The following NEU3 variants were observed in gnomAD, a reference collection of about 807,000 sequenced individuals.
NEU3 encodes the protein neuraminidase 3.
In NEU3, 10 loss-of-function variants were observed where a neutral mutation model predicts 11.4. The observed-to-expected ratio is 0.88, with a 90% CI of 0.54 to 1.49. The LOEUF (loss-of-function observed/expected upper bound fraction) is 1.49, where lower values mean the gene tolerates loss of function less well. Ranked by LOEUF, NEU3 falls within the 40% of genes most tolerant of loss-of-function variation. The pLI is 0.00. For synonymous variants in NEU3, 212 were observed against 228.2 expected, an observed-to-expected ratio of 0.93 and a Z score of 0.64; for missense variants, 529 against 581.8, an observed-to-expected ratio of 0.91 and a Z score of 0.93.
chr11:74,994,749 G>A (rs375758707), intron 2 of NEU3, 29 bp downstream of exon 2: 2 of 1,586,200 alleles, frequency 1.3e-6, no homozygotes, highest in Non-Finnish European at 1.7e-6. Context: ...TCTGAGTCTG[G>A]GCCTCAGTTT....
rs1281247452 is a variant in NEU3, at chr11:75,005,696, G to T, written c.590G>T (p.Gly197Val). 1.2e-6 allele frequency: 2 copies of T among 1,614,012 alleles called. No individual in the cohort carries two copies. The highest frequency in any genetic ancestry group is 1.7e-6 in the Non-Finnish European group (2 of 1,179,886). ...KHWATFAVGPGHGIQLQSGRL... is the reference protein window; with the variant it reads ...KHWATFAVGPVHGIQLQSGRL... ...TGGGCCACATTTGCTGTGGGCCCAG[G>T]TCATGGCATCCAGCTGCAGTCAGGG... The change falls in exon 3 of 3, where the codon GGT becomes GTT. Residue 197 changes from glycine (G) to valine (V), a missense_variant. Coordinates refer to ENST00000294064, the MANE Select transcript of NEU3 (RefSeq NM_006656.6).
intron 3 of NEU3, among the ~76,000 whole-genome samples, chr11:75,017,731 G>A (rs1282798996): frequency 6.6e-6 from 1 of 152,084 alleles, no homozygotes; most frequent in East Asian, 1.9e-4. Context: ...TCCTCTCTCA[G>A]GGCTATGGGG....
At chr11:74,985,449 CAT>C (rs1166030718), upstream of NEU3, among the ~76,000 whole-genome samples, 6 of 151,962 alleles carry the variant, frequency 3.9e-5, no homozygotes, top group South Asian at 4.1e-4. Context: ...TATATAGAGA[CAT>C]ATATGGTTAT....
rs973355968 is a variant in NEU3 at position 75,010,290 on chromosome 11, G to A, written c.*3798G>A. 2 of 152,194 alleles carry A rather than the reference G, an allele frequency of 1.3e-5. No homozygotes were observed. Among genetic ancestry groups the A allele is most frequent in the African/African-American group, 4.8e-5 (2 of 41,450 alleles). The allele number at this position is 152,194 out of a possible 1,614,324, so 9.4% of individuals were successfully genotyped here. On this transcript the variant is annotated 3_prime_UTR_variant, in exon 3 of 3. Transcript: ENST00000294064. ...CTGTCATATTCTGAATTCCCTGAAGGTAAGGACTATGTCTGATTCCTCTCT... is the reference window on the plus strand; with the variant it reads ...CTGTCATATTCTGAATTCCCTGAAGATAAGGACTATGTCTGATTCCTCTCT...
At chr11:74,983,652 G>A (rs779374246), upstream of NEU3, among the ~76,000 whole-genome samples, 1 of 152,198 alleles carries the variant, frequency 6.6e-6, no homozygotes, top group African/African-American at 2.4e-5. Flanking sequence ...ATGTTGATAA[G>A]GAATTTGTTC....
At chr11:74,982,840 G>C in the NEU3 span, among the ~76,000 whole-genome samples, 1 of 152,158 alleles carries the variant, frequency 6.6e-6, no homozygotes, top group Non-Finnish European at 1.5e-5. Flanking sequence ...AGGAGTCAAA[G>C]TGGGATTACT....
intron 1 of NEU3, among the ~76,000 whole-genome samples, chr11:74,992,051 G>A (rs564277567): frequency 6.6e-6 from 1 of 152,348 alleles, no homozygotes; most frequent in South Asian, 2.1e-4. Flanking sequence ...GGGCAAAGGA[G>A]TTGACAGAGA....
upstream of NEU3, chr11:74,988,621 C>G (rs1460782959): frequency 1.1e-5 from 2 of 186,984 alleles, no homozygotes; most frequent in Admixed American, 1.2e-4. Flanking sequence ...TTGCTCAACT[C>G]TCAGGCTGTC....
At chr11:74,985,860 C>T (rs1278161180), upstream of NEU3, among the ~76,000 whole-genome samples, 1 of 152,170 alleles carries the variant, frequency 6.6e-6, no homozygotes, top group Non-Finnish European at 1.5e-5. Context: ...ATGTGGGCAC[C>T]ATCTGCCTAG....
rs1948931143 is a variant in NEU3, at chr11:75,009,207, A to C, written c.*2715A>C. The stretch of plus-strand genomic sequence containing the variant: ...TGGCACCTTAGGAAGAGAAAGTGTC[A>C]CAGACACGAGGCCTAGGCTAGAGAG... On this transcript the variant is annotated 3_prime_UTR_variant, in exon 3 of 3. Coordinates refer to ENST00000294064, the MANE Select transcript of NEU3 (RefSeq NM_006656.6). The C allele has an allele frequency of 6.6e-6, 1 of 152,276 alleles. No homozygotes were observed. The highest frequency in any genetic ancestry group is 2.4e-5 in the African/African-American group (1 of 41,442). The allele number at this position is 152,276 out of a possible 1,614,324, so 9.4% of individuals were successfully genotyped here. A position where few individuals can be genotyped will look rare whatever the true frequency, so the allele number is the denominator to read the frequency against.
chr11:75,016,980 G>T (rs997724635), intron 3 of NEU3, among the ~76,000 whole-genome samples: 1 of 152,152 alleles, frequency 6.6e-6, no homozygotes, highest in Non-Finnish European at 1.5e-5. Context: ...GAACACATCC[G>T]ACCTAGAGCC....
At chr11:75,018,241 C>T (rs966200555) in intron 3 of NEU3, among the ~76,000 whole-genome samples, 7 of 152,040 alleles carry the variant, frequency 4.6e-5, no homozygotes, top group African/African-American at 1.7e-4. Context: ...ATAAGGTGAG[C>T]TTGTTCTCCC....
downstream of NEU3, among the ~76,000 whole-genome samples, chr11:75,012,622 C>G (rs1395666177): frequency 6.6e-6 from 1 of 152,024 alleles, no homozygotes; most frequent in Non-Finnish European, 1.5e-5. Context: ...TGTAATATAT[C>G]AGAAGACAGC....
At chr11:75,017,563 CT>C (rs1489347213) in intron 3 of NEU3, among the ~76,000 whole-genome samples, 1 of 152,162 alleles carries the variant, frequency 6.6e-6, no homozygotes, top group Non-Finnish European at 1.5e-5. Flanking sequence ...TTGGGAAATC[CT>C]GATTTGGGGT....
chr11:74,999,225 T>C (rs544132565), intron 2 of NEU3, among the ~76,000 whole-genome samples: 1 of 152,260 alleles, frequency 6.6e-6, no homozygotes, highest in South Asian at 2.1e-4. Flanking sequence ...TTGCATACTA[T>C]AGCCTCAAAC....
At chr11:75,004,762 A>T (rs1183902231) in intron 2 of NEU3, among the ~76,000 whole-genome samples, 1 of 152,232 alleles carries the variant, frequency 6.6e-6, no homozygotes, top group Non-Finnish European at 1.5e-5. Flanking sequence ...CTCTGAATCT[A>T]TGCTTGAGCT....
At position 75,006,155 on chromosome 11, in the gene NEU3, T is replaced by C. The variant is rs751661285; in HGVS notation, c.1049T>C (p.Leu350Pro). Residue 350 changes from leucine to proline, a missense_variant, in exon 3 of 3, where the codon CTG (leucine) becomes CCG (proline). Coordinates refer to ENST00000294064, the MANE Select transcript of NEU3 (RefSeq NM_006656.6). ...AGCTCTCCAGGCAGTTCACTGAGGCTGGAGGAGGAAGCTGGAACACCGTCA... is the reference window on the plus strand; with the variant it reads ...AGCTCTCCAGGCAGTTCACTGAGGCCGGAGGAGGAAGCTGGAACACCGTCA... ...QQSSPGSSLR[L>P]EEEAGTPSES... 6.2e-7 allele frequency: 1 copy of C among 1,613,990 alleles called. No individual in the cohort carries two copies. The highest frequency in any genetic ancestry group is 1.1e-5 in the South Asian group (1 of 91,074).
At chr11:74,994,194 C>T (rs918596390) in intron 1 of NEU3, among the ~76,000 whole-genome samples, 4 of 152,180 alleles carry the variant, frequency 2.6e-5, no homozygotes, top group South Asian at 2.1e-4. Flanking sequence ...ATAAAAACCA[C>T]CTCAGGCTGG....
intron 2 of NEU3, among the ~76,000 whole-genome samples, chr11:75,002,317 C>T (rs190767577): frequency 2.8e-4 from 43 of 152,242 alleles, no homozygotes; most frequent in Non-Finnish European, 2.9e-4. Context: ...CTATGATCTG[C>T]GCCTGCTTAA....
Sources: gnomAD v4.1 joint callset for allele counts (sites outside exome capture counted in the v4.1 genomes callset) on GRCh38, gnomAD v4.1.1 for gene constraint, MANE v1.5 for transcripts, NCBI Gene and HGNC (gene_info 2026-07-23, HGNC 2026-07-21) for gene names.